The following MINDY4 variants were observed in gnomAD, a reference collection of about 807,000 sequenced individuals.
The protein encoded by MINDY4 is probable ubiquitin carboxyl-terminal hydrolase MINDY-4.
In MINDY4, 68 loss-of-function variants were observed where a neutral mutation model predicts 87.0. The observed-to-expected ratio is 0.78, with a 90% confidence interval of 0.64 to 0.96. The LOEUF is 0.96. MINDY4 is among the 40% of genes least tolerant of loss of function. The pLI, the probability that MINDY4 is intolerant of heterozygous loss-of-function variation, is 0.00. For missense variants in MINDY4, 919 were observed against 928.2 expected (o/e 0.99, Z 0.13); for synonymous variants, 379 against 363.2 (o/e 1.04, Z -0.50).
In MINDY4 at chr7:30,892,093, C is replaced by T; in HGVS notation, c.*88C>T. The T allele has an allele frequency of 7.0e-7, 1 of 1,431,460 alleles. No homozygotes were observed. The highest frequency in any genetic ancestry group is 2.3e-5 in the East Asian group (1 of 43,982). 88.7% of individuals were successfully genotyped at this position (1,431,460 alleles called of 1,614,324 possible). On this transcript the variant is annotated 3_prime_UTR_variant, in exon 18 of 18. Transcript: ENST00000265299. ...TGAACCCCAAGCCTCTGGGGCAGGTCTCATGTACCCCAACCTGGGTCAGCA... is the reference window on the plus strand; with the variant it reads ...TGAACCCCAAGCCTCTGGGGCAGGTTTCATGTACCCCAACCTGGGTCAGCA...
chr7:30,828,585 C>T, intron 5 of MINDY4, 94 bp from the exon 6 acceptor site: 1 of 1,279,572 alleles, frequency 7.8e-7, no homozygotes, highest in Non-Finnish European at 1.1e-6. Flanking sequence ...AGACTTGTCT[C>T]CTGAATGCCT....
At chr7:30,870,512 G>A (rs964384365) in intron 13 of MINDY4, among the ~76,000 whole-genome samples, 2 of 152,150 alleles carry the variant, frequency 1.3e-5, no homozygotes, top group Admixed American at 1.3e-4. Context: ...AGACCCCCAA[G>A]CCTTAGTGGT....
chr7:30,814,268 T>C (rs1172268320), intron 5 of MINDY4, among the ~76,000 whole-genome samples: 1 of 152,218 alleles, frequency 6.6e-6, no homozygotes, highest in East Asian at 1.9e-4. Context: ...ATTAGCTTCA[T>C]GGTAAATCAA....
intron 1 of MINDY4, among the ~76,000 whole-genome samples, chr7:30,776,063 C>T (rs978932749): frequency 1.3e-5 from 2 of 152,214 alleles, no homozygotes; most frequent in African/African-American, 4.8e-5. Flanking sequence ...CCAAGCCACC[C>T]CTTTGTTTCA....
chr7:30,832,290 T>C (rs1203704487), intron 6 of MINDY4, among the ~76,000 whole-genome samples: 1 of 152,236 alleles, frequency 6.6e-6, no homozygotes, highest in African/African-American at 2.4e-5. Flanking sequence ...TACTGTCACT[T>C]TGTGCCTCCA....
At chr7:30,869,927 C>T (rs1322992867) in intron 13 of MINDY4, among the ~76,000 whole-genome samples, 2 of 152,188 alleles carry the variant, frequency 1.3e-5, no homozygotes, top group African/African-American at 4.8e-5. Flanking sequence ...TCAAGGACTC[C>T]TCACACTCAG....
intron 15 of MINDY4, among the ~76,000 whole-genome samples, chr7:30,877,873 T>G (rs1790322550): frequency 7.9e-6 from 1 of 126,552 alleles, no homozygotes; most frequent in Non-Finnish European, 1.6e-5. Context: ...AGAGATGGGG[T>G]TTCACCATAT....
intron 13 of MINDY4, among the ~76,000 whole-genome samples, chr7:30,869,478 C>T (rs2128577633): frequency 6.6e-6 from 1 of 152,230 alleles, no homozygotes; most frequent in African/African-American, 2.4e-5. Context: ...GTCTTACAGC[C>T]CTGGAGGTGA....
chr7:30,842,849 C>G lies in MINDY4; in HGVS notation c.1445+2001C>G, dbSNP rs184268522. Among the ~76,000 whole-genome samples the G allele has an allele frequency of 1.3e-3, 205 of 152,334 alleles. 1 individual carries two copies. The highest frequency in any genetic ancestry group is 4.5e-3 in the African/African-American group (186 of 41,580). The stretch of plus-strand genomic sequence containing the variant: ...CTTCCCAGCAAATATTCTCAAACAC[C>G]TTCCTGAGCCCTCAGGCTCTGTGCT... On this transcript the variant is annotated intron_variant, in intron 9 of 17. Coordinates refer to ENST00000265299, the MANE Select transcript of MINDY4 (RefSeq NM_032222.3).
chr7:30,781,123 A>C (rs560728087), intron 2 of MINDY4: 3 of 152,258 alleles, frequency 2.0e-5, no homozygotes, highest in African/African-American at 7.2e-5. Context: ...CTAGTCTGCA[A>C]AATCACAGAG....
At chr7:30,772,564 A>C (rs1349826227) in intron 1 of MINDY4, among the ~76,000 whole-genome samples, 1 of 152,200 alleles carries the variant, frequency 6.6e-6, no homozygotes, top group African/African-American at 2.4e-5. Flanking sequence ...TACAATGTGC[A>C]CGTAGGTGTT....
chr7:30,884,226 A>G (rs927523381), intron 17 of MINDY4, among the ~76,000 whole-genome samples: 1 of 152,154 alleles, frequency 6.6e-6, no homozygotes, highest in Non-Finnish European at 1.5e-5. Context: ...AAATGTTCAC[A>G]TGGTGGAAAC....
Position 30,787,638 on chromosome 7 carries a change from A to T in MINDY4, c.663+1646A>T, listed in dbSNP as rs144885784. ...CAGACAGCACAGCTGGCACCAGTGG[A>T]TGGAGGTTGGTATGGGAGCCTTCCA... On this transcript the variant is annotated intron_variant, in intron 4 of 17. Coordinates refer to ENST00000265299, the MANE Select transcript of MINDY4 (RefSeq NM_032222.3). 6.7e-3 allele frequency among the ~76,000 whole-genome samples: 1,024 copies of T among 152,288 alleles called. 24 individuals are homozygous for T. The South Asian group carries it at 0.083, about 12-fold the overall frequency.
rs750755015 is a variant in MINDY4 at position 30,882,318 on chromosome 7, C to T, written c.2109C>T (p.Tyr703=). The change falls in exon 16 of 18, where the codon TAC becomes TAT. Residue 703 remains tyrosine, a synonymous_variant. Coordinates refer to ENST00000265299, the MANE Select transcript of MINDY4 (RefSeq NM_032222.3). ...AGAGGCTCTTTGACTTGTACTACTACGATGGCCTGGCCAACCAGCAGGAGC... is the reference window on the plus strand; with the variant it reads ...AGAGGCTCTTTGACTTGTACTACTATGATGGCCTGGCCAACCAGCAGGAGC... ...RTERLFDLYY[Y]DGLANQQEQI... is the part of the protein sequence containing the mutation. 2.7e-5 allele frequency: 43 copies of T among 1,610,816 alleles called. No individual in the cohort carries two copies. Among genetic ancestry groups the T allele is most frequent in the South Asian group, 7.7e-5 (7 of 90,970 alleles).
intron 12 of MINDY4, chr7:30,858,958 C>T (rs1186300616): frequency 1.6e-6 from 1 of 644,474 alleles, no homozygotes; most frequent in Non-Finnish European, 2.9e-6. Context: ...GATGCTTGCA[C>T]CATAATGGAG....
chr7:30,852,982 G>C (rs965657208), intron 11 of MINDY4, among the ~76,000 whole-genome samples: 2 of 152,334 alleles, frequency 1.3e-5, no homozygotes, highest in African/African-American at 2.4e-5. Flanking sequence ...GCTTCCTGCT[G>C]AACTCAGGAC....
chr7:30,773,117 T>C (rs916372860), intron 1 of MINDY4, among the ~76,000 whole-genome samples: 2 of 152,206 alleles, frequency 1.3e-5, no homozygotes, highest in African/African-American at 2.4e-5. Context: ...GAGCTGGGAC[T>C]GCAGCCCAGG....
intron 17 of MINDY4, among the ~76,000 whole-genome samples, chr7:30,883,638 T>G (rs1480400238): frequency 1.3e-5 from 2 of 152,158 alleles, no homozygotes; most frequent in African/African-American, 4.8e-5. Flanking sequence ...GTTCTCTGAG[T>G]GGGCCCCTGG....
chr7:30,779,981 T>C (rs1235513143), intron 2 of MINDY4: 1 of 152,084 alleles, frequency 6.6e-6, no homozygotes, highest in African/African-American at 2.4e-5. Context: ...GGCAAACATA[T>C]AAACTAAAAA....
Sources: allele counts gnomAD v4.1 joint callset (sites outside exome capture counted in the v4.1 genomes callset), GRCh38; gene constraint gnomAD v4.1.1; transcripts MANE v1.5; gene names NCBI Gene and HGNC (gene_info 2026-07-23, HGNC 2026-07-21).